ELF5: variants seen among roughly 807,000 people sequenced by gnomAD.
The protein encoded by ELF5 is ETS-related transcription factor Elf-5.
In ELF5, 31 loss-of-function variants were observed where a neutral mutation model predicts 38.2. The ratio of observed to expected loss-of-function variants is 0.81; its 90% CI spans 0.61 to 1.10. The LOEUF (loss-of-function observed/expected upper bound fraction) is 1.10, where lower values mean the gene tolerates loss of function less well. ELF5 is among the 50% of genes least tolerant of loss of function. ELF5 has a pLI of 0.00. For missense variants in ELF5, 300 were observed against 306.6 expected, an observed-to-expected ratio of 0.98 and a Z score of 0.16; for synonymous variants, 121 against 112.5, an observed-to-expected ratio of 1.08 and a Z score of -0.48.
chr11:34,508,994 A>C (rs1850682925), intron 1 of ELF5, among the ~76,000 whole-genome samples: 2 of 152,238 alleles, frequency 1.3e-5, no homozygotes, highest in African/African-American at 2.4e-5. Flanking sequence ...AATTCTTTGC[A>C]GATGCTTGAA....
intron 3 of ELF5, 54 bp from the exon 4 acceptor site, chr11:34,490,113 G>A (rs1043800607): frequency 3.5e-5 from 56 of 1,592,508 alleles, no homozygotes; most frequent in Non-Finnish European, 4.6e-5. Context: ...GGTTTCCACT[G>A]GCCAGGCCAG....
chr11:34,503,334 T>C (rs1564984149), intron 2 of ELF5, among the ~76,000 whole-genome samples: 1 of 149,794 alleles, frequency 6.7e-6, no homozygotes. Flanking sequence ...AATTTTTGTA[T>C]TTTTTCGTAG....
At chr11:34,507,749 A>C (rs1850644277) in intron 1 of ELF5, among the ~76,000 whole-genome samples, 2 of 152,256 alleles carry the variant, frequency 1.3e-5, no homozygotes, top group South Asian at 4.1e-4. Flanking sequence ...GATTCTTGAA[A>C]TAATGTTGAC....
chr11:34,489,616 A>C (rs1002163366), intron 4 of ELF5, among the ~76,000 whole-genome samples: 1 of 152,138 alleles, frequency 6.6e-6, no homozygotes, highest in African/African-American at 2.4e-5. Context: ...GAGTCTTCTT[A>C]AGCATTATGA....
chr11:34,500,004 G>T (rs1850420755), intron 2 of ELF5, among the ~76,000 whole-genome samples: 1 of 152,216 alleles, frequency 6.6e-6, no homozygotes. Context: ...AATGATGCAG[G>T]TAAAGAACTT....
At chr11:34,487,722 T>A (rs1301581889) in intron 4 of ELF5, among the ~76,000 whole-genome samples, 1 of 152,062 alleles carries the variant, frequency 6.6e-6, no homozygotes, top group Non-Finnish European at 1.5e-5. Flanking sequence ...TTATACAAGT[T>A]ATTACGCCTC....
In ELF5 at chr11:34,502,035, G is replaced by C. The variant is rs1850484521; in HGVS notation, c.121+3594C>G. ...TTGTTCAATATGGACAATGAAGAGA[G>C]GAGAGGGAAGGCTGTTTTTCCACCC... is the stretch of plus-strand genomic sequence containing the variant. On this transcript the variant is annotated intron_variant, in intron 2 of 6. Coordinates refer to ENST00000257832, the MANE Select transcript of ELF5 (RefSeq NM_001422.4). Among the ~76,000 whole-genome samples, 3 of 152,190 alleles carry C rather than the reference G, an allele frequency of 2.0e-5. No individual in the cohort carries two copies. The South Asian group carries it at 6.2e-4, about 31-fold the overall frequency.
chr11:34,481,447 C>T (rs185948026), intron 5 of ELF5, among the ~76,000 whole-genome samples: 2 of 152,326 alleles, frequency 1.3e-5, no homozygotes, highest in East Asian at 3.9e-4. Context: ...TGAGCTGTGA[C>T]ATGTCTGTGT....
chr11:34,493,539 C>G lies in ELF5; in HGVS notation c.295G>C (p.Glu99Gln), dbSNP rs773417409. 1 of 1,614,174 alleles carries G rather than the reference C, an allele frequency of 6.2e-7. No individual in the cohort carries two copies. Among genetic ancestry groups the G allele is most frequent in the East Asian group, 2.2e-5 (1 of 44,886 alleles). The change falls in exon 3 of 7, where the codon GAG (glutamate) becomes CAG (glutamine). Residue 99 changes from glutamate to glutamine, a missense_variant. Physicochemically the swap from Glu to Gln is conservative, Grantham distance 29 (BLOSUM62 2). Coordinates refer to ENST00000257832, the MANE Select transcript of ELF5 (RefSeq NM_001422.4). ...TACTCGCCGCAGAGGCCAGCTGCCT[C>G]GACGAACTCCTCCTGTGTCATGCTG... ...LCSMTQEEFVEAAGLCGEYLY... is the reference protein window; with the variant it reads ...LCSMTQEEFVQAAGLCGEYLY...
At chr11:34,501,707 C>A (rs1850474921) in intron 2 of ELF5, among the ~76,000 whole-genome samples, 1 of 152,098 alleles carries the variant, frequency 6.6e-6, no homozygotes, top group African/African-American at 2.4e-5. Context: ...GACTGTCCAA[C>A]CTCCTGCCTG....
At chr11:34,483,215 T>A (rs932387353) in intron 4 of ELF5, among the ~76,000 whole-genome samples, 2 of 151,984 alleles carry the variant, frequency 1.3e-5, no homozygotes, top group Non-Finnish European at 2.9e-5. Flanking sequence ...CTCATCTCAA[T>A]CCTGTTTCAA....
At chr11:34,508,083 A>G (rs984844610) in intron 1 of ELF5, among the ~76,000 whole-genome samples, 2 of 152,254 alleles carry the variant, frequency 1.3e-5, no homozygotes, top group Middle Eastern at 3.2e-3. Flanking sequence ...TTAAACATAC[A>G]TAAAAATAAA....
chr11:34,505,594 G>T (rs1590341502), intron 2 of ELF5, 35 bp downstream of exon 2: 4 of 1,611,720 alleles, frequency 2.5e-6, no homozygotes, highest in Non-Finnish European at 3.4e-6. Flanking sequence ...GCCCATCCTG[G>T]CTGCACTCAG....
chr11:34,511,791 C>T, intron 1 of ELF5: 1 of 573,128 alleles, frequency 1.7e-6, no homozygotes, highest in Non-Finnish European at 3.1e-6. Flanking sequence ...AGGAGCAAAC[C>T]ACTCAGCCTT....
At chr11:34,490,171 G>A (rs2231824) in intron 3 of ELF5, 112 bp from the exon 4 acceptor site, 2 of 1,216,720 alleles carry the variant, frequency 1.6e-6, no homozygotes, top group East Asian at 2.3e-5. Flanking sequence ...TCTTGAGGTT[G>A]GTTACAATTT....
At chr11:34,493,314 C>A in intron 3 of ELF5, 165 bp downstream of exon 3, 1 of 695,240 alleles carries the variant, frequency 1.4e-6, no homozygotes, top group Non-Finnish European at 2.4e-6. Flanking sequence ...CCCTAAAATC[C>A]CCAATTCTGG....
chr11:34,500,235 T>G (rs1344474629), intron 2 of ELF5, among the ~76,000 whole-genome samples: 1 of 152,180 alleles, frequency 6.6e-6, no homozygotes, highest in East Asian at 1.9e-4. Flanking sequence ...CATGATTTAC[T>G]AGCATAGGGA....
rs895980551 is a variant in ELF5 at position 34,480,099 on chromosome 11, A to G, written c.*119T>C. ...GTAAGCTGAGATGTGGAGAAATTTT[A>G]TCAGCATGTTTGCAGGTTAAAAAAA... On this transcript the variant is annotated 3_prime_UTR_variant, in exon 7 of 7. Coordinates refer to ENST00000257832, the MANE Select transcript of ELF5 (RefSeq NM_001422.4). 1.4e-5 allele frequency: 11 copies of G among 794,210 alleles called. No individual in the cohort carries two copies. In the African/African-American group the frequency reaches 1.9e-4, roughly 14 times the overall value. 49.2% of individuals were successfully genotyped at this position (794,210 alleles called of 1,614,324 possible).
At chr11:34,484,518 CTATACTATAT>C (rs1367472099) in intron 4 of ELF5, among the ~76,000 whole-genome samples, 5 of 147,020 alleles carry the variant, frequency 3.4e-5, no homozygotes, top group South Asian at 2.1e-4. Context: ...CTATACTATA[CTATACTATAT>C]TATACTGTAC....
Sources: gnomAD v4.1 joint callset for allele counts (sites outside exome capture counted in the v4.1 genomes callset) on GRCh38, gnomAD v4.1.1 for gene constraint, MANE v1.5 for transcripts, NCBI Gene and HGNC (gene_info 2026-07-23, HGNC 2026-07-21) for gene names.